The following NSUN3 variants were observed in gnomAD, a reference collection of about 807,000 sequenced individuals.
The protein encoded by NSUN3 is tRNA (cytosine(34)-C(5))-methyltransferase, mitochondrial.
A neutral mutation model predicts 36.8 loss-of-function variants in NSUN3; 24 were observed. The ratio of observed to expected loss-of-function variants is 0.65; its 90% CI spans 0.47 to 0.92. NSUN3 has a LOEUF of 0.92. Ranked by LOEUF, NSUN3 falls within the 40% of genes least tolerant of loss-of-function variation. The probability of loss-of-function intolerance (pLI) is 0.00; values close to 1 mark genes in which losing one functional copy is unlikely to be tolerated. For synonymous variants in NSUN3, 146 were observed against 145.2 expected (o/e 1.01, Z -0.04); for missense variants, 381 against 392.8 (o/e 0.97, Z 0.25).
intron 3 of NSUN3, among the ~76,000 whole-genome samples, chr3:94,088,705 C>G (rs1486953715): frequency 6.8e-6 from 1 of 146,344 alleles, no homozygotes; most frequent in Non-Finnish European, 1.5e-5. Context: ...TAGAGTCTCT[C>G]TCTGTCGCCT....
Position 94,129,912 on chromosome 3 carries a change from T to C in NSUN3, c.*3422T>C, listed in dbSNP as rs182448653. The stretch of plus-strand genomic sequence containing the variant: ...AGATCACAGGCACCCGCCACCATGC[T>C]TGGCTAATTTTTTTTGTATTTTTAG... On this transcript the variant is annotated 3_prime_UTR_variant, in exon 6 of 6. Transcript: ENST00000314622. Among the ~76,000 whole-genome samples, 771 of 151,720 alleles carry C rather than the reference T, an allele frequency of 5.1e-3. 7 individuals are homozygous for C. Among genetic ancestry groups the C allele is most frequent in the African/African-American group, 0.017 (702 of 41,392 alleles).
rs1158702918 is a variant in NSUN3 at position 94,126,691 on chromosome 3, T to G, written c.*201T>G. 6 of 526,604 alleles carry G rather than the reference T, an allele frequency of 1.1e-5. No homozygotes were observed. In the Admixed American group the frequency reaches 2.0e-4, roughly 18 times the overall value. 32.6% of individuals were successfully genotyped at this position (526,604 alleles called of 1,614,324 possible). A position where few individuals can be genotyped will look rare whatever the true frequency, so the allele number is the denominator to read the frequency against. On this transcript the variant is annotated 3_prime_UTR_variant, in exon 6 of 6. Transcript: ENST00000314622. ...CTAGAAATATATCTGTAACAATGAT[T>G]TAAGGTGGTGCAGATGGTGTTTGTT...
chr3:94,078,565 G>A (rs1009759301), intron 2 of NSUN3, among the ~76,000 whole-genome samples: 2 of 152,008 alleles, frequency 1.3e-5, no homozygotes, highest in Admixed American at 6.6e-5. Context: ...TTATTGTGTG[G>A]GAGTCTAAGT....
At chr3:94,085,691 A>G (rs1021938630) in intron 3 of NSUN3, among the ~76,000 whole-genome samples, 1 of 152,074 alleles carries the variant, frequency 6.6e-6, no homozygotes, top group Non-Finnish European at 1.5e-5. Flanking sequence ...CCTGGGAGGC[A>G]GAGATTACAG....
At position 94,063,428 on chromosome 3, in the gene NSUN3, C is replaced by CT. The variant is rs1258152499; in HGVS notation, c.12+291dup. On this transcript the variant is annotated intron_variant, in intron 1 of 5. Coordinates refer to ENST00000314622, the MANE Select transcript of NSUN3 (RefSeq NM_022072.5). ...GTATCCCGGGAGCTTAGAACAGTGT[C>CT]TGTTACATAGTAGGCATTGAATACA... The CT allele has an allele frequency of 5.7e-5, 26 of 456,200 alleles. No individual in the cohort carries two copies. In the East Asian group the frequency reaches 8.0e-4, roughly 14 times the overall value. The allele number at this position is 456,200 out of a possible 1,614,324, so 28.3% of individuals were successfully genotyped here. A position where few individuals can be genotyped will look rare whatever the true frequency, so the allele number is the denominator to read the frequency against.
chr3:94,083,471 G>T (rs1214303028), intron 2 of NSUN3, among the ~76,000 whole-genome samples: 1 of 152,124 alleles, frequency 6.6e-6, no homozygotes, highest in Non-Finnish European at 1.5e-5. Context: ...GTGGTGGCCC[G>T]CAATCAGTCT....
In NSUN3 at chr3:94,107,564, G is replaced by A. The variant is rs182889076; in HGVS notation, c.743+12410G>A. On this transcript the variant is annotated intron_variant, in intron 5 of 5. Coordinates refer to ENST00000314622, the MANE Select transcript of NSUN3 (RefSeq NM_022072.5). ...GGCCTCTGAAAGTGCTGGGATTATA[G>A]GTGTGAGCCACCATGCCCGGCTAAT... Among the ~76,000 whole-genome samples the A allele has an allele frequency of 1.1e-3, 160 of 152,172 alleles. 1 individual carries two copies. Among genetic ancestry groups the A allele is most frequent in the Non-Finnish European group, 8.1e-4 (55 of 68,008 alleles).
chr3:94,109,345 T>C (rs1476994656), intron 5 of NSUN3, among the ~76,000 whole-genome samples: 1 of 152,228 alleles, frequency 6.6e-6, no homozygotes, highest in Non-Finnish European at 1.5e-5. Context: ...GTGTCTATCT[T>C]GCTTTGAAGG....
intron 5 of NSUN3, among the ~76,000 whole-genome samples, chr3:94,108,506 G>A (rs6809577): frequency 0.41 from 62,427 of 151,178 alleles, 15,871 homozygotes; most frequent in South Asian, 0.62. Flanking sequence ...GACTACAGGC[G>A]CACGCCACCA....
chr3:94,084,068 A>G (rs922454589), intron 2 of NSUN3, 39 bp from the exon 3 acceptor site: 4 of 1,417,974 alleles, frequency 2.8e-6, no homozygotes, highest in East Asian at 4.7e-5. Context: ...GGTATGTATC[A>G]TATTAATATT....
intron 2 of NSUN3, among the ~76,000 whole-genome samples, chr3:94,077,541 G>T (rs569074453): frequency 6.6e-6 from 1 of 152,306 alleles, no homozygotes; most frequent in South Asian, 2.1e-4. Context: ...ACGTTTGGTA[G>T]AATTCGGCTG....
At chr3:94,121,700 AGT>A (rs902684595) in intron 5 of NSUN3, among the ~76,000 whole-genome samples, 1 of 152,220 alleles carries the variant, frequency 6.6e-6, no homozygotes, top group African/African-American at 2.4e-5. Flanking sequence ...GAAGACCCTC[AGT>A]GGTAGGAACC....
Position 94,075,995 on chromosome 3 carries a change from T to C in NSUN3, c.123-8112T>C, listed in dbSNP as rs532721290. 95 of 1,602,358 alleles carry C rather than the reference T, an allele frequency of 5.9e-5. 2 individuals are homozygous for C. In the Middle Eastern group the frequency reaches 1.7e-3, roughly 28 times the overall value. ...TGCCATTTGCCACACTTGCATGATA[T>C]TGTCTTCTGATACAGAACAAATCAC... On this transcript the variant is annotated intron_variant, in intron 2 of 5. Coordinates refer to ENST00000314622, the MANE Select transcript of NSUN3 (RefSeq NM_022072.5).
intron 2 of NSUN3, among the ~76,000 whole-genome samples, chr3:94,071,176 T>C (rs2077223631): frequency 6.6e-6 from 1 of 152,220 alleles, no homozygotes. Context: ...ATTTTTACTT[T>C]TATAAGTTGT....
At chr3:94,124,070 C>T (rs2077474887) in intron 5 of NSUN3, among the ~76,000 whole-genome samples, 1 of 150,566 alleles carries the variant, frequency 6.6e-6, no homozygotes, top group South Asian at 2.1e-4. Context: ...TATTAGTTTG[C>T]TAGAGTTGCC....
intron 5 of NSUN3, among the ~76,000 whole-genome samples, chr3:94,118,303 AC>A (rs1463435814): frequency 6.6e-6 from 1 of 152,156 alleles, no homozygotes; most frequent in East Asian, 1.9e-4. Flanking sequence ...AATATGTAAA[AC>A]CCAAGATAAT....
chr3:94,113,096 C>A (rs1462272164), intron 5 of NSUN3, among the ~76,000 whole-genome samples: 1 of 152,082 alleles, frequency 6.6e-6, no homozygotes, highest in Non-Finnish European at 1.5e-5. Context: ...AATCTCCTGA[C>A]CTCATGATCC....
At chr3:94,080,341 G>A (rs1273238488) in intron 2 of NSUN3, among the ~76,000 whole-genome samples, 1 of 152,176 alleles carries the variant, frequency 6.6e-6, no homozygotes, top group African/African-American at 2.4e-5. Flanking sequence ...TGAGGTGTCT[G>A]TCAGCCCCTA....
chr3:94,097,507 T>G (rs1335361158), intron 5 of NSUN3, among the ~76,000 whole-genome samples: 6 of 152,170 alleles, frequency 3.9e-5, no homozygotes, highest in Non-Finnish European at 8.8e-5. Context: ...TTACATTGTT[T>G]GTTTGTTTGT....
Sources: allele counts gnomAD v4.1 joint callset (sites outside exome capture counted in the v4.1 genomes callset), GRCh38; gene constraint gnomAD v4.1.1; transcripts MANE v1.5; gene names NCBI Gene and HGNC (gene_info 2026-07-23, HGNC 2026-07-21).